Variants in OR13A1 observed in about 807,000 individuals in gnomAD.
OR13A1 encodes olfactory receptor 13A1.
A neutral mutation model predicts 7.5 loss-of-function variants in OR13A1; 10 were observed. That is an observed-to-expected ratio of 1.34 (90% CI 0.83 to 2.27). The LOEUF is 2.27. Among genes scored for constraint, OR13A1 ranks in the 30% most tolerant of loss-of-function variants. The pLI is 0.00. For missense variants in OR13A1, 509 were observed against 419.1 expected, an observed-to-expected ratio of 1.21 and a Z score of -1.87; for synonymous variants, 238 against 177.9, an observed-to-expected ratio of 1.34 and a Z score of -2.69.
intron 3 of OR13A1, among the ~76,000 whole-genome samples, chr10:45,306,675 A>T (rs542555558): frequency 1.3e-5 from 2 of 152,222 alleles, no homozygotes; most frequent in Non-Finnish European, 1.5e-5. Context: ...CCTTTTAATA[A>T]GGTAAAAACT....
chr10:45,304,414 C>A lies in OR13A1; in HGVS notation c.9G>T (p.Leu3=). The A allele has an allele frequency of 1.2e-6, 2 of 1,611,690 alleles. No homozygotes were observed. Among genetic ancestry groups the A allele is most frequent in the Non-Finnish European group, 1.7e-6 (2 of 1,178,962 alleles). Residue 3 remains leucine, a synonymous_variant, in exon 4 of 4, where the codon CTG becomes CTT. Coordinates refer to ENST00000553795, the MANE Select transcript of OR13A1 (RefSeq NM_001004297.3). MK[L]WMESHLIVPE... ...GGACTATCAGGTGACTCTCCATCCA[C>A]AGCTTCATGTGATTTCAGAGCTAGA... is the stretch of plus-strand genomic sequence containing the variant.
rs146476877 is a variant in OR13A1, at chr10:45,306,025, A to C, written c.-13+1401T>G. ...GACACTCAAATATGTGTGTTTAAAT[A>C]ATGCTAAAGAATAGGCTAGTATGAA... On this transcript the variant is annotated intron_variant, in intron 3 of 3. Transcript: ENST00000553795. Among the ~76,000 whole-genome samples, 255 of 152,350 alleles carry C rather than the reference A, an allele frequency of 1.7e-3. 2 individuals carry two copies. Among genetic ancestry groups the C allele is most frequent in the African/African-American group, 5.9e-3 (245 of 41,584 alleles).
At chr10:45,311,079 G>A (rs184721695) in intron 1 of OR13A1, among the ~76,000 whole-genome samples, 1 of 152,314 alleles carries the variant, frequency 6.6e-6, no homozygotes, top group Non-Finnish European at 1.5e-5. Flanking sequence ...GAAAAACTTA[G>A]GGATCTGGAG....
At chr10:45,305,248 A>T (rs1021130910) in intron 3 of OR13A1, among the ~76,000 whole-genome samples, 4 of 152,152 alleles carry the variant, frequency 2.6e-5, no homozygotes, top group Non-Finnish European at 5.9e-5. Context: ...AATTGTTTTA[A>T]TTTTAAAAAA....
chr10:45,313,956 T>C (rs896391681), intron 1 of OR13A1, among the ~76,000 whole-genome samples: 1 of 151,638 alleles, frequency 6.6e-6, no homozygotes, highest in Admixed American at 6.6e-5. Flanking sequence ...ATCAGAATAG[T>C]ATTTTTCTCA....
At position 45,304,011 on chromosome 10, in the gene OR13A1, A is replaced by C; in HGVS notation, c.412T>G (p.Tyr138Asp). ...TGGCAGATGGCTGCGTACCGGTCAT[A>C]GGCCATGACCGTGAGGAGCAGCAGC... ...SELLLLTVMAYDRYAAICHPL... is the reference protein window; with the variant it reads ...SELLLLTVMADDRYAAICHPL... The change falls in exon 4 of 4, where the codon TAT (tyrosine) becomes GAT (aspartate). Residue 138 changes from tyrosine (Y) to aspartate (D), a missense_variant. Coordinates refer to ENST00000553795, the MANE Select transcript of OR13A1 (RefSeq NM_001004297.3). 6.2e-7 allele frequency: 1 copy of C among 1,612,768 alleles called. No homozygotes were observed. Among genetic ancestry groups the C allele is most frequent in the Non-Finnish European group, 8.5e-7 (1 of 1,179,116 alleles).
Position 45,303,914 on chromosome 10 carries a change from C to G in OR13A1, c.509G>C (p.Cys170Ser), listed in dbSNP as rs1204480761. ...SGLATAVWLL[C>S]AVNTAIHTGL... ...CGTGTGGATGGCCGTGTTGACGGCG[C>G]AGAGCAGCCACACGGCTGTGGCCAG... The change falls in exon 4 of 4, where the codon TGC (cysteine) becomes TCC (serine). Residue 170 changes from cysteine (C) to serine (S), a missense_variant. Coordinates refer to ENST00000553795, the MANE Select transcript of OR13A1 (RefSeq NM_001004297.3). 1.2e-6 allele frequency: 2 copies of G among 1,613,616 alleles called. No individual in the cohort carries two copies. Among genetic ancestry groups the G allele is most frequent in the Admixed American group, 1.7e-5 (1 of 60,034 alleles).
Position 45,315,197 on chromosome 10 carries a change from C to T in OR13A1, c.-225+327G>A, listed in dbSNP as rs374803225. 2.0e-5 allele frequency among the ~76,000 whole-genome samples: 3 copies of T among 152,092 alleles called. 1 individual carries two copies. Among genetic ancestry groups the T allele is most frequent in the African/African-American group, 7.2e-5 (3 of 41,470 alleles). On this transcript the variant is annotated intron_variant, in intron 1 of 3. Coordinates refer to ENST00000553795, the MANE Select transcript of OR13A1 (RefSeq NM_001004297.3). ...GGTGTGCTGGCTCATGCCTGTAATC[C>T]CAGCACTTTGGGAGGCTGAGACAGG... is the stretch of plus-strand genomic sequence containing the variant.
At chr10:45,311,675 C>T (rs1838450203) in intron 1 of OR13A1, among the ~76,000 whole-genome samples, 1 of 151,864 alleles carries the variant, frequency 6.6e-6, no homozygotes, top group South Asian at 2.1e-4. Flanking sequence ...AACACTGGGG[C>T]CTACTTGAAG....
In OR13A1 at chr10:45,304,121, G is replaced by A. The variant is rs377076240; in HGVS notation, c.302C>T (p.Ala101Val). 15 of 1,614,074 alleles carry A rather than the reference G, an allele frequency of 9.3e-6. No individual in the cohort carries two copies. The highest frequency in any genetic ancestry group is 1.3e-5 in the Non-Finnish European group (15 of 1,180,036). ...CTSSIMPKAL[A>V]SLVSEESSIS... ...GGAGCTCTCTTCCGACACCAGACTGGCCAGCGCCTTGGGCATGATGGAAGA... is the reference window on the plus strand; with the variant it reads ...GGAGCTCTCTTCCGACACCAGACTGACCAGCGCCTTGGGCATGATGGAAGA... The change falls in exon 4 of 4, where the codon GCC becomes GTC. Residue 101 changes from alanine (A) to valine (V), a missense_variant. Ala to Val is a moderately conservative substitution (Grantham distance 64). Coordinates refer to ENST00000553795, the MANE Select transcript of OR13A1 (RefSeq NM_001004297.3).
At position 45,303,705 on chromosome 10, in the gene OR13A1, C is replaced by G. The variant is rs759472708; in HGVS notation, c.718G>C (p.Val240Leu). Residue 240 changes from valine to leucine, a missense_variant, in exon 4 of 4, where the codon GTC becomes CTC. Transcript: ENST00000553795. ...GTCTTCACCTTCAGGATGCTGGAGACGATGAAGCCATAGGACGCGATGGTC... is the reference window on the plus strand; with the variant it reads ...GTCTTCACCTTCAGGATGCTGGAGAGGATGAAGCCATAGGACGCGATGGTC... ...LMTIASYGFIVSSILKVKTAW... is the reference protein window; with the variant it reads ...LMTIASYGFILSSILKVKTAW... 3 of 1,614,034 alleles carry G rather than the reference C, an allele frequency of 1.9e-6. No homozygotes were observed. In the East Asian group the frequency reaches 6.7e-5, roughly 36 times the overall value.
intron 1 of OR13A1, among the ~76,000 whole-genome samples, chr10:45,312,904 G>A (rs1397871070): frequency 6.6e-6 from 1 of 152,082 alleles, no homozygotes; most frequent in Non-Finnish European, 1.5e-5. Flanking sequence ...TGGACCTGCT[G>A]TAGTATCTTG....
At chr10:45,304,693 G>A (rs1838291872) in intron 3 of OR13A1, among the ~76,000 whole-genome samples, 1 of 152,104 alleles carries the variant, frequency 6.6e-6, no homozygotes, top group South Asian at 2.1e-4. Flanking sequence ...CCATGATCTG[G>A]CAAAGTTAGA....
rs1214745453 is a variant in OR13A1 at position 45,303,813 on chromosome 10, G to A, written c.610C>T (p.Leu204Phe). 8.1e-6 allele frequency: 13 copies of A among 1,613,356 alleles called. No individual in the cohort carries two copies. Among genetic ancestry groups the A allele is most frequent in the South Asian group, 6.6e-5 (6 of 91,090 alleles). ...HFFCEVPPLLLLSCSSTYVNG... is the reference protein window; with the variant it reads ...HFFCEVPPLLFLSCSSTYVNG... ...ACGTAGGTGGAGCTGCAGGAGAGAA[G>A]CAGCAGGGGAGGGACCTCGCAGAAG... Residue 204 changes from leucine (L) to phenylalanine (F), a missense_variant, in exon 4 of 4, where the codon CTT becomes TTT. Leu to Phe is a conservative substitution (Grantham distance 22). Transcript: ENST00000553795.
At position 45,303,129 on chromosome 10, in the gene OR13A1, A is replaced by T. The variant is rs1838241416; in HGVS notation, c.*307T>A. On this transcript the variant is annotated 3_prime_UTR_variant, in exon 4 of 4. Coordinates refer to ENST00000553795, the MANE Select transcript of OR13A1 (RefSeq NM_001004297.3). ...TGTACATACAAAAGGAAAATGTTTG[A>T]TGTGGCTATGAGTTGAAAACACAAG... The T allele has an allele frequency of 3.4e-6, 1 of 292,708 alleles. No homozygotes were observed. Among genetic ancestry groups the T allele is most frequent in the Admixed American group, 4.6e-5 (1 of 21,720 alleles). The allele number at this position is 292,708 out of a possible 1,614,324, so 18.1% of individuals were successfully genotyped here. A position where few individuals can be genotyped will look rare whatever the true frequency, so the allele number is the denominator to read the frequency against.
At chr10:45,307,963 AG>A (rs1290685784) in intron 1 of OR13A1, 155 bp from the exon 2 acceptor site, 2 of 152,238 alleles carry the variant, frequency 1.3e-5, no homozygotes, top group African/African-American at 4.8e-5. Flanking sequence ...ACTTGTAGTG[AG>A]ATTATATCTT....
At chr10:45,306,434 C>G (rs1838331270) in intron 3 of OR13A1, among the ~76,000 whole-genome samples, 1 of 138,140 alleles carries the variant, frequency 7.2e-6, no homozygotes, top group African/African-American at 2.8e-5. Context: ...GCCTGGGTGA[C>G]AGAGCGAGAC....
chr10:45,310,149 C>T (rs1038623955), intron 1 of OR13A1, among the ~76,000 whole-genome samples: 2 of 152,180 alleles, frequency 1.3e-5, no homozygotes, highest in Admixed American at 6.5e-5. Context: ...GAATTCCCTT[C>T]CTGTGATGTT....
intron 1 of OR13A1, among the ~76,000 whole-genome samples, chr10:45,313,197 T>G (rs138869845): frequency 2.4e-3 from 372 of 152,210 alleles, no homozygotes; most frequent in African/African-American, 8.0e-3. Context: ...ACAGTCGAAG[T>G]TATTCTCTTA....
Sources: gnomAD v4.1 joint callset for allele counts (sites outside exome capture counted in the v4.1 genomes callset) on GRCh38, gnomAD v4.1.1 for gene constraint, MANE v1.5 for transcripts, NCBI Gene and HGNC (gene_info 2026-07-23, HGNC 2026-07-21) for gene names.